Variants in DDHD2 observed in about 807,000 individuals in gnomAD.
The protein encoded by DDHD2 is DDHD domain containing 2.
In DDHD2, 62 loss-of-function variants were observed where a neutral mutation model predicts 91.2. The ratio of observed to expected loss-of-function variants is 0.68; its 90% CI spans 0.55 to 0.84. The LOEUF (loss-of-function observed/expected upper bound fraction) is 0.84, where lower values mean the gene tolerates loss of function less well. DDHD2 is among the 40% of genes least tolerant of loss of function. The pLI, the probability that DDHD2 is intolerant of heterozygous loss-of-function variation, is 0.00. For missense variants in DDHD2, 740 were observed against 846.9 expected, an observed-to-expected ratio of 0.87 and a Z score of 1.57; for synonymous variants, 271 against 293.9, an observed-to-expected ratio of 0.92 and a Z score of 0.80.
chr8:38,252,336 TG>T, intron 13 of DDHD2, 49 bp downstream of exon 13: 1 of 1,549,408 alleles, frequency 6.5e-7, no homozygotes, highest in South Asian at 1.2e-5. Flanking sequence ...CAGGGCTTAT[TG>T]TTAAAGAACA....
At chr8:38,248,956 A>C (rs890408057) in intron 10 of DDHD2, among the ~76,000 whole-genome samples, 1 of 151,376 alleles carries the variant, frequency 6.6e-6, no homozygotes, top group Non-Finnish European at 1.5e-5. Context: ...AAAAAAAAAA[A>C]AAAAAACGAT....
downstream of DDHD2, chr8:38,264,948 T>C (rs990111439): frequency 3.7e-6 from 6 of 1,603,844 alleles, no homozygotes; most frequent in African/African-American, 8.0e-5. Flanking sequence ...ATTTAAAGGG[T>C]CCTAGAGGAA....
intron 16 of DDHD2, among the ~76,000 whole-genome samples, chr8:38,255,171 G>A (rs557607936): frequency 1.1e-3 from 170 of 148,224 alleles, no homozygotes; most frequent in African/African-American, 3.9e-3. Flanking sequence ...GTCCAGCCTG[G>A]GTGACAGAGC....
At chr8:38,264,627 C>A (rs377715309), downstream of DDHD2, 44 of 1,568,732 alleles carry the variant, frequency 2.8e-5, no homozygotes, top group African/African-American at 5.7e-4. Flanking sequence ...GAAACAAGGT[C>A]TTCTCTTAAT....
chr8:38,244,203 C>T (rs1805451938), intron 7 of DDHD2, among the ~76,000 whole-genome samples: 1 of 152,182 alleles, frequency 6.6e-6, no homozygotes, highest in Admixed American at 6.5e-5. Context: ...CTGCTTTGGC[C>T]TCTTAAAGTG....
intron 7 of DDHD2, among the ~76,000 whole-genome samples, chr8:38,243,679 G>T (rs1479108508): frequency 6.6e-6 from 1 of 151,608 alleles, no homozygotes; most frequent in Non-Finnish European, 1.5e-5. Flanking sequence ...TTTGGTTGGA[G>T]TGCAGTGGTG....
intron 1 of DDHD2, chr8:38,268,707 C>G (rs1808136870): frequency 7.0e-7 from 1 of 1,432,604 alleles, no homozygotes; most frequent in Non-Finnish European, 9.1e-7. Flanking sequence ...GGCTCGGACA[C>G]CCTCCTCTCT....
Position 38,268,434 on chromosome 8 carries a change from G to C in DDHD2, n.88-2688G>C, listed in dbSNP as rs761365124. The C allele has an allele frequency of 2.3e-5, 36 of 1,575,020 alleles. 1 individual carries two copies. The South Asian group carries it at 4.1e-4, about 18-fold the overall frequency. ...TTGAGAAATTTGGCCAGGAAGATCA[G>C]AGACAGTGGAGAGAGAAATGCAATA... On this transcript the variant is annotated intron_variant and non_coding_transcript_variant, in intron 1 of 1. Transcript: ENST00000526071.
chr8:38,251,823 C>T lies in DDHD2; in HGVS notation c.1345-89C>T, dbSNP rs115166706. 51 of 861,012 alleles carry T rather than the reference C, an allele frequency of 5.9e-5. No individual in the cohort carries two copies. The African/African-American group carries it at 7.6e-4, about 13-fold the overall frequency. 53.3% of individuals were successfully genotyped at this position (861,012 alleles called of 1,614,324 possible). On this transcript the variant is annotated intron_variant, in intron 11 of 17. Coordinates refer to ENST00000397166, the MANE Select transcript of DDHD2 (RefSeq NM_015214.3). ...TCTTGGGCTTAAACAATCCTACCTACCTACCTACCTCAGGGTCCTGAGTAG... is the reference window on the plus strand; with the variant it reads ...TCTTGGGCTTAAACAATCCTACCTATCTACCTACCTCAGGGTCCTGAGTAG...
chr8:38,232,537 A>T (rs1186107369), intron 1 of DDHD2, among the ~76,000 whole-genome samples: 2 of 152,242 alleles, frequency 1.3e-5, no homozygotes, highest in Non-Finnish European at 2.9e-5. Flanking sequence ...GTATTTTAAG[A>T]TTCCATTAGT....
chr8:38,235,902 A>ACAC (rs1804697977), intron 3 of DDHD2, among the ~76,000 whole-genome samples: 1 of 92,638 alleles, frequency 1.1e-5, no homozygotes, highest in Admixed American at 1.1e-4. Flanking sequence ...CACACACACA[A>ACAC]ATACAAATGC....
intron 2 of DDHD2, 110 bp downstream of exon 2, chr8:38,233,324 T>C: frequency 1.3e-6 from 1 of 761,474 alleles, no homozygotes; most frequent in Non-Finnish European, 2.1e-6. Context: ...ATTTTTCCAG[T>C]TACATAATTT....
At chr8:38,252,865 G>C (rs776293173) in intron 14 of DDHD2, 41 bp downstream of exon 14, 1 of 1,608,146 alleles carries the variant, frequency 6.2e-7, no homozygotes, top group South Asian at 1.1e-5. Flanking sequence ...AGACCTTTTG[G>C]CCAGTGCAAA....
At chr8:38,236,382 TCTCA>T (rs1355260376) in intron 3 of DDHD2, among the ~76,000 whole-genome samples, 4 of 151,218 alleles carry the variant, frequency 2.6e-5, no homozygotes, top group Admixed American at 6.6e-5. Context: ...TGAGACAGAG[TCTCA>T]CTCTGTTGCC....
chr8:38,239,964 C>T (rs1348142956), intron 5 of DDHD2, among the ~76,000 whole-genome samples: 1 of 151,730 alleles, frequency 6.6e-6, no homozygotes, highest in African/African-American at 2.4e-5. Flanking sequence ...ACCTCATGAT[C>T]TACCTGCCTT....
downstream of DDHD2, chr8:38,272,209 T>C (rs923125720): frequency 4.6e-5 from 7 of 152,236 alleles, no homozygotes; most frequent in Non-Finnish European, 1.0e-4. Flanking sequence ...CCTGCCTCCA[T>C]TACTTTTTTA....
chr8:38,234,228 G>A (rs751022029), intron 2 of DDHD2, among the ~76,000 whole-genome samples, 166 bp from the exon 3 acceptor site: 2 of 152,070 alleles, frequency 1.3e-5, no homozygotes, highest in Non-Finnish European at 2.9e-5. Flanking sequence ...TGTAAAGTAG[G>A]TAGTGAAAAA....
chr8:38,251,241 C>G (rs1806087015), intron 11 of DDHD2: 1 of 152,164 alleles, frequency 6.6e-6, no homozygotes, highest in Non-Finnish European at 1.5e-5. Flanking sequence ...TGGGGTTTCA[C>G]CATGTTGGCC....
intron 16 of DDHD2, among the ~76,000 whole-genome samples, chr8:38,254,770 C>A (rs1440203748): frequency 6.6e-6 from 1 of 151,946 alleles, no homozygotes; most frequent in Non-Finnish European, 1.5e-5. Context: ...TGCTTATAAT[C>A]CCAGCACTTT....
Sources: gnomAD v4.1 joint callset for allele counts (sites outside exome capture counted in the v4.1 genomes callset) on GRCh38, gnomAD v4.1.1 for gene constraint, MANE v1.5 for transcripts, NCBI Gene and HGNC (gene_info 2026-07-23, HGNC 2026-07-21) for gene names.